DLGAP2: variants seen among roughly 807,000 people sequenced by gnomAD.
DLGAP2 encodes DLG associated protein 2, also known as disks large-associated protein 2.
DLGAP2 carries 26 observed loss-of-function variants against 100.3 expected under a neutral mutation model. The ratio of observed to expected loss-of-function variants is 0.26; its 90% CI spans 0.19 to 0.36. The LOEUF (loss-of-function observed/expected upper bound fraction) is 0.36. DLGAP2 is among the 10% of genes least tolerant of loss of function. The pLI, the probability that DLGAP2 is intolerant of heterozygous loss-of-function variation, is 1.00. For synonymous variants in DLGAP2, 886 were observed against 630.1 expected, an observed-to-expected ratio of 1.41 and a Z score of -6.08; for missense variants, 1,858 against 1,453.2, an observed-to-expected ratio of 1.28 and a Z score of -4.53.
At chr8:1,464,234 A>T (rs373340197) in intron 3 of DLGAP2, among the ~76,000 whole-genome samples, 9 of 151,566 alleles carry the variant, frequency 5.9e-5, no homozygotes, top group Admixed American at 5.2e-4. Flanking sequence ...CCCTTCCAGG[A>T]CGACACCCTT....
At chr8:744,635 G>C (rs1364719124) in intron 1 of DLGAP2, among the ~76,000 whole-genome samples, 1 of 149,914 alleles carries the variant, frequency 6.7e-6, no homozygotes, top group African/African-American at 2.5e-5. Flanking sequence ...GCCCTCCCGG[G>C]GTGCTGGCTG....
intron 1 of DLGAP2, among the ~76,000 whole-genome samples, chr8:750,540 A>C (rs919884752): frequency 6.6e-6 from 1 of 152,274 alleles, no homozygotes; most frequent in Non-Finnish European, 1.5e-5. Flanking sequence ...GTTAATAAGC[A>C]TTTGAAAATG....
rs184718075 is a variant in DLGAP2, at chr8:924,606, C to T, written c.73+16640C>T. 2.5e-3 allele frequency among the ~76,000 whole-genome samples: 386 copies of T among 151,530 alleles called. 1 individual carries two copies. The highest frequency in any genetic ancestry group is 8.9e-3 in the African/African-American group (369 of 41,268). On this transcript the variant is annotated intron_variant, in intron 2 of 14. Transcript: ENST00000637795. ...TTTTTTTCTTTCTTTCTTTTTGAGA[C>T]GGAGTTTTGCTCGTTGCCCAGGCTG...
chr8:969,200 A>G (rs1799954397), intron 2 of DLGAP2, among the ~76,000 whole-genome samples: 1 of 152,150 alleles, frequency 6.6e-6, no homozygotes, highest in South Asian at 2.1e-4. Flanking sequence ...ACCTTCCACC[A>G]AGTCTGAGAG....
intron 3 of DLGAP2, among the ~76,000 whole-genome samples, chr8:1,314,624 A>C (rs576331062): frequency 1.3e-5 from 2 of 152,136 alleles, no homozygotes; most frequent in African/African-American, 4.8e-5. Flanking sequence ...GTCTCATTGG[A>C]GAATTGGGGC....
chr8:1,657,228 C>G (rs912126568), intron 8 of DLGAP2, among the ~76,000 whole-genome samples: 1 of 152,138 alleles, frequency 6.6e-6, no homozygotes, highest in Non-Finnish European at 1.5e-5. Flanking sequence ...TAATCTCTGT[C>G]TCTGTCTTGA....
chr8:1,038,103 G>A (rs1802188417), intron 2 of DLGAP2, among the ~76,000 whole-genome samples: 1 of 152,204 alleles, frequency 6.6e-6, no homozygotes, highest in African/African-American at 2.4e-5. Context: ...TGTGTGTTAA[G>A]TGTGTGTGTT....
intron 4 of DLGAP2, among the ~76,000 whole-genome samples, chr8:1,504,207 CTTT>C (rs57525593): frequency 6.9e-6 from 1 of 145,570 alleles, no homozygotes; most frequent in South Asian, 2.2e-4. Context: ...TTACCTGATG[CTTT>C]TTTTTTTAAT....
intron 1 of DLGAP2, among the ~76,000 whole-genome samples, chr8:881,294 C>G (rs1221713014): frequency 1.3e-5 from 2 of 152,126 alleles, no homozygotes; most frequent in African/African-American, 4.8e-5. Context: ...GGCTGTGAAT[C>G]TCATTTATTC....
chr8:910,161 A>C (rs1284917325), intron 2 of DLGAP2, among the ~76,000 whole-genome samples: 1 of 152,240 alleles, frequency 6.6e-6, no homozygotes, highest in African/African-American at 2.4e-5. Flanking sequence ...AGGCAGCATC[A>C]CCATGGCGGA....
intron 3 of DLGAP2, among the ~76,000 whole-genome samples, chr8:1,307,843 G>C (rs1009304228): frequency 4.6e-5 from 7 of 152,156 alleles, no homozygotes; most frequent in African/African-American, 1.4e-4. Context: ...AAGTAGAAAG[G>C]AGGCTGCCGG....
intron 1 of DLGAP2, among the ~76,000 whole-genome samples, chr8:796,621 C>T (rs183392789): frequency 6.4e-4 from 98 of 152,304 alleles, no homozygotes; most frequent in African/African-American, 2.1e-3. Flanking sequence ...AGCAGTGCGT[C>T]CCTCCTGTCC....
chr8:1,097,419 A>G (rs760734992), intron 2 of DLGAP2, among the ~76,000 whole-genome samples: 15 of 123,388 alleles, frequency 1.2e-4, no homozygotes, highest in South Asian at 8.3e-4. Flanking sequence ...TGGCATGGAG[A>G]GGACCCCTCC....
Position 1,281,546 on chromosome 8 carries a change from G to A in DLGAP2, c.106+22663G>A, listed in dbSNP as rs568901614. Among the ~76,000 whole-genome samples the A allele has an allele frequency of 4.6e-5, 7 of 152,306 alleles. No homozygotes were observed. The South Asian group carries it at 1.5e-3, about 32-fold the overall frequency. ...TCCCTGATGTCTCCTGTGGGGCTCA[G>A]CCAGCATTAAAGACATGAGCGGAGA... On this transcript the variant is annotated intron_variant, in intron 3 of 14. Transcript: ENST00000637795.
intron 2 of DLGAP2, among the ~76,000 whole-genome samples, chr8:921,064 C>T (rs553337791): frequency 2.0e-5 from 3 of 152,324 alleles, no homozygotes; most frequent in African/African-American, 4.8e-5. Flanking sequence ...TTTGTAACTT[C>T]GCAACTTGAT....
At chr8:756,625 A>G (rs1820927451) in intron 1 of DLGAP2, among the ~76,000 whole-genome samples, 1 of 151,952 alleles carries the variant, frequency 6.6e-6, no homozygotes, top group South Asian at 2.1e-4. Flanking sequence ...TTGAGTCAAG[A>G]CCTATGCAAG....
chr8:1,286,174 G>A (rs1301305453), intron 3 of DLGAP2, among the ~76,000 whole-genome samples: 1 of 152,144 alleles, frequency 6.6e-6, no homozygotes, highest in Non-Finnish European at 1.5e-5. Flanking sequence ...AAGATGTGAT[G>A]GTTTTATAAG....
chr8:931,075 A>AT lies in DLGAP2; in HGVS notation c.73+23120dup, dbSNP rs112153895. Among the ~76,000 whole-genome samples the AT allele has an allele frequency of 5.9e-3, 874 of 147,454 alleles. 9 individuals carry two copies. The highest frequency in any genetic ancestry group is 0.019 in the African/African-American group (779 of 40,308). ...CGAGGTGGGGGCAGTAAAAGGGAGGATTTTTTTTTTTGCAGCTGAATAGAA... is the reference window on the plus strand; with the variant it reads ...CGAGGTGGGGGCAGTAAAAGGGAGGATTTTTTTTTTTTGCAGCTGAATAGAA... On this transcript the variant is annotated intron_variant, in intron 2 of 14. Transcript: ENST00000637795.
intron 3 of DLGAP2, among the ~76,000 whole-genome samples, chr8:1,409,580 C>G (rs1378608148): frequency 6.6e-6 from 1 of 150,968 alleles, no homozygotes; most frequent in Non-Finnish European, 1.5e-5. Flanking sequence ...TTCTCCGTCA[C>G]CTAGACTGGG....
Sources: gnomAD v4.1 joint callset for allele counts (sites outside exome capture counted in the v4.1 genomes callset) on GRCh38, gnomAD v4.1.1 for gene constraint, MANE v1.5 for transcripts, NCBI Gene and HGNC (gene_info 2026-07-23, HGNC 2026-07-21) for gene names.